The following SLC33A1 variants were observed in gnomAD, a reference collection of about 807,000 sequenced individuals.
SLC33A1 encodes acetyl-coenzyme A transporter 1.
SLC33A1 carries 20 observed loss-of-function variants against 50.0 expected under a neutral mutation model. The observed-to-expected ratio is 0.40, with a 90% CI of 0.28 to 0.58. The LOEUF (loss-of-function observed/expected upper bound fraction) is 0.58, where lower values mean the gene tolerates loss of function less well. SLC33A1 is among the 20% of genes least tolerant of loss of function. The pLI is 0.44. For synonymous variants in SLC33A1, 265 were observed against 251.8 expected (o/e 1.05, Z -0.50); for missense variants, 476 against 657.0 (o/e 0.72, Z 3.01).
At chr3:155,842,860 T>C (rs1341750795) in intron 1 of SLC33A1, 2 of 257,168 alleles carry the variant, frequency 7.8e-6, no homozygotes, top group Middle Eastern at 1.4e-3. Flanking sequence ...AATAAGAAAT[T>C]AGCCAGGCTT....
In SLC33A1 at chr3:155,853,879, A is replaced by G. The variant is rs1314853003; in HGVS notation, c.119T>C (p.Leu40Ser). 6.4e-7 allele frequency: 1 copy of G among 1,565,976 alleles called. No homozygotes were observed. Among genetic ancestry groups the G allele is most frequent in the East Asian group, 2.2e-5 (1 of 44,456 alleles). The change falls in exon 1 of 6, where the codon TTG becomes TCG. Residue 40 changes from leucine to serine, a missense_variant. Transcript: ENST00000643144. ...GTCCCCTTCCCGGCCCGCTGAGTCC[A>G]AATGACTGTCATCCCAACCGCCTGG... ...LPPGGWDDSH[L>S]DSAGREGDRE...
At position 155,828,343 on chromosome 3, in the gene SLC33A1, G is replaced by A; in HGVS notation, c.1517C>T (p.Ala506Val). ...GGACTCCACATAATAACCATCCAGGGCTGTAACACATGAGCCACCCAGTTT... is the reference window on the plus strand; with the variant it reads ...GGACTCCACATAATAACCATCCAGGACTGTAACACATGAGCCACCCAGTTT... The part of the protein sequence containing the change: ...CKKLGGSCVT[A>V]LDGYYVESII... Residue 506 changes from alanine to valine, a missense_variant, in exon 6 of 6, where the codon GCC (alanine) becomes GTC (valine). Physicochemically the swap from Ala to Val is moderately conservative, Grantham distance 64. Transcript: ENST00000643144. 2 of 1,605,410 alleles carry A rather than the reference G, an allele frequency of 1.2e-6. No individual in the cohort carries two copies. Among genetic ancestry groups the A allele is most frequent in the Non-Finnish European group, 1.7e-6 (2 of 1,172,202 alleles).
chr3:155,833,743 A>G (rs959528238), intron 3 of SLC33A1, 114 bp downstream of exon 3: 1 of 1,007,628 alleles, frequency 9.9e-7, no homozygotes, highest in Admixed American at 1.9e-5. Context: ...TTGAAAAAAG[A>G]TGCTTTTCAA....
In SLC33A1 at chr3:155,843,123, G is replaced by A. The variant is rs1207440959; in HGVS notation, c.776-504C>T. 2.6e-5 allele frequency: 4 copies of A among 152,122 alleles called. No individual in the cohort carries two copies. In the East Asian group the frequency reaches 7.7e-4, roughly 29 times the overall value. The allele number at this position is 152,122 out of a possible 1,614,324, so 9.4% of individuals were successfully genotyped here. ...TCTTAAACGTAGAGACCCAAAATAG[G>A]TGACAACAACAACCAAAAAGGCAGG... On this transcript the variant is annotated intron_variant, in intron 1 of 5. Coordinates refer to ENST00000643144, the MANE Select transcript of SLC33A1 (RefSeq NM_004733.4).
intron 1 of SLC33A1, chr3:155,842,906 GCTGAGGACTACCTGAGC>G (rs775351235): frequency 6.1e-5 from 12 of 196,960 alleles, no homozygotes; most frequent in Non-Finnish European, 7.0e-5. Flanking sequence ...CACCTGGGAG[GCTGAGGACTACCTGAGC>G]CCAGGAAGTG....
chr3:155,828,416 A>T, intron 5 of SLC33A1, 39 bp from the exon 6 acceptor site: 1 of 1,249,790 alleles, frequency 8.0e-7, no homozygotes, highest in Non-Finnish European at 1.2e-6. Context: ...CCACAATTTC[A>T]AAATGAAAGT....
chr3:155,851,566 T>C (rs1560023926), intron 1 of SLC33A1, among the ~76,000 whole-genome samples: 4 of 148,186 alleles, frequency 2.7e-5, no homozygotes, highest in African/African-American at 1.0e-4. Flanking sequence ...TTATTTTTTA[T>C]TTTATTTATT....
chr3:155,827,899 C>T lies in SLC33A1; in HGVS notation c.*311G>A, dbSNP rs1028906495. Reference sequence around the variant, plus strand: ...AATACCTGACTACATGGTTACCACCCGTGACTACTGCATTGCAGCTTAAAA... The same window carrying T: ...AATACCTGACTACATGGTTACCACCTGTGACTACTGCATTGCAGCTTAAAA... On this transcript the variant is annotated 3_prime_UTR_variant, in exon 6 of 6. Coordinates refer to ENST00000643144, the MANE Select transcript of SLC33A1 (RefSeq NM_004733.4). 2 of 292,932 alleles carry T rather than the reference C, an allele frequency of 6.8e-6. No individual in the cohort carries two copies. Among genetic ancestry groups the T allele is most frequent in the Non-Finnish European group, 1.3e-5 (2 of 153,662 alleles). The allele number at this position is 292,932 out of a possible 1,614,324, so 18.1% of individuals were successfully genotyped here. A position where few individuals can be genotyped will look rare whatever the true frequency, so the allele number is the denominator to read the frequency against.
intron 1 of SLC33A1, among the ~76,000 whole-genome samples, chr3:155,852,437 A>G (rs1396545827): frequency 6.6e-6 from 1 of 152,254 alleles, no homozygotes; most frequent in African/African-American, 2.4e-5. Flanking sequence ...CTCTTTTCCC[A>G]TAGTAATTAA....
In SLC33A1 at chr3:155,853,731, C is replaced by T. The variant is rs370658911; in HGVS notation, c.267G>A (p.Leu89=). 1.2e-5 allele frequency: 19 copies of T among 1,613,974 alleles called. No homozygotes were observed. The African/African-American group carries it at 2.0e-4, about 17-fold the overall frequency. ...TGAGTGGGATGCTTCCCGCCAAGCC[C>T]AGGGGAATACCCTGAAGCACGTAAA... ...LFLYVLQGIP[L]GLAGSIPLIL... is the part of the protein sequence containing the mutation. Residue 89 remains leucine, a synonymous_variant, in exon 1 of 6, where the codon CTG becomes CTA. Coordinates refer to ENST00000643144, the MANE Select transcript of SLC33A1 (RefSeq NM_004733.4).
chr3:155,832,974 G>A (rs1391416463), intron 4 of SLC33A1, among the ~76,000 whole-genome samples: 4 of 151,738 alleles, frequency 2.6e-5, no homozygotes, highest in South Asian at 4.2e-4. Context: ...TCTTTCAGCC[G>A]GGCGCAGTGG....
chr3:155,835,466 T>C lies in SLC33A1; in HGVS notation c.964-1425A>G, dbSNP rs868554299. Among the ~76,000 whole-genome samples, 18 of 152,164 alleles carry C rather than the reference T, an allele frequency of 1.2e-4. 1 individual carries two copies. Among genetic ancestry groups the C allele is most frequent in the African/African-American group, 4.3e-4 (18 of 41,516 alleles). On this transcript the variant is annotated intron_variant, in intron 2 of 5. Coordinates refer to ENST00000643144, the MANE Select transcript of SLC33A1 (RefSeq NM_004733.4). Reference sequence around the variant, plus strand: ...CGAAGAGCAGCCTGAAAAACTTGAGTTGCAAACATAGATAAGCAAGCTGGA... The same window carrying C: ...CGAAGAGCAGCCTGAAAAACTTGAGCTGCAAACATAGATAAGCAAGCTGGA...
Position 155,827,355 on chromosome 3 carries a change from T to A in SLC33A1, c.*855A>T, listed in dbSNP as rs928323863. ...TTGAAGAAAAACATTTAATTTTTAT[T>A]TTCAAAATGTTGCCATAAACATACA... On this transcript the variant is annotated 3_prime_UTR_variant, in exon 6 of 6. Coordinates refer to ENST00000643144, the MANE Select transcript of SLC33A1 (RefSeq NM_004733.4). The A allele has an allele frequency of 1.3e-5, 2 of 152,176 alleles. No individual in the cohort carries two copies. Among genetic ancestry groups the A allele is most frequent in the African/African-American group, 4.8e-5 (2 of 41,448 alleles). 9.4% of individuals were successfully genotyped at this position (152,176 alleles called of 1,614,324 possible).
Position 155,833,501 on chromosome 3 carries a change from A to G in SLC33A1, c.1233T>C (p.Tyr411=), listed in dbSNP as rs1429749192. The G allele has an allele frequency of 6.3e-7, 1 of 1,590,276 alleles. No homozygotes were observed. Among genetic ancestry groups the G allele is most frequent in the East Asian group, 2.2e-5 (1 of 44,742 alleles). The part of the protein sequence containing the change: ...EHQGGFPIYY[Y]IVVLLSYALH... ...AAGCATAACTCAGCAGGACTACGAT[A>G]TAGTAATATATAGGGAATCCCCCTT... Residue 411 remains tyrosine, a synonymous_variant, in exon 4 of 6, where the codon TAT becomes TAC. Transcript: ENST00000643144.
Position 155,833,874 on chromosome 3 carries a change from G to A in SLC33A1, c.1131C>T (p.Tyr377=). The A allele has an allele frequency of 1.2e-6, 2 of 1,613,546 alleles. No individual in the cohort carries two copies. The change falls in exon 3 of 6, where the codon TAC becomes TAT. Residue 377 remains tyrosine (Y), a synonymous_variant. Coordinates refer to ENST00000643144, the MANE Select transcript of SLC33A1 (RefSeq NM_004733.4). Reference sequence around the variant, plus strand: ...ATTTTTACCTGTAGGGCATGGCTTTGTAAAATGTGTTTAATGGCTGGGGAC... The same window carrying A: ...ATTTTTACCTGTAGGGCATGGCTTTATAAAATGTGTTTAATGGCTGGGGAC... ...TAGPQPLNTF[Y]KAMPYRLLLG... is the part of the protein sequence containing the mutation.
chr3:155,849,287 C>T (rs2108004688), intron 1 of SLC33A1, among the ~76,000 whole-genome samples: 1 of 152,266 alleles, frequency 6.6e-6, no homozygotes, highest in Admixed American at 6.5e-5. Context: ...TAAACATTGC[C>T]TCAGTGTTTA....
chr3:155,828,917 T>G (rs1394079548), intron 5 of SLC33A1, among the ~76,000 whole-genome samples: 2 of 151,184 alleles, frequency 1.3e-5, no homozygotes, highest in African/African-American at 2.4e-5. Flanking sequence ...TTTTTTTTTT[T>G]TAAGAGACGG....
At position 155,827,772 on chromosome 3, in the gene SLC33A1, G is replaced by A. The variant is rs1227651910; in HGVS notation, c.*438C>T. On this transcript the variant is annotated 3_prime_UTR_variant, in exon 6 of 6. Transcript: ENST00000643144. Reference sequence around the variant, plus strand: ...AAATAAGATTTTAACTGCCAACAATGTCAGACTAGTTGTGGTTAGTACCTG... The same window carrying A: ...AAATAAGATTTTAACTGCCAACAATATCAGACTAGTTGTGGTTAGTACCTG... The A allele has an allele frequency of 6.5e-6, 1 of 154,604 alleles. No homozygotes were observed. Among genetic ancestry groups the A allele is most frequent in the East Asian group, 1.9e-4 (1 of 5,288 alleles). The allele number at this position is 154,604 out of a possible 1,614,324, so 9.6% of individuals were successfully genotyped here. A position where few individuals can be genotyped will look rare whatever the true frequency, so the allele number is the denominator to read the frequency against.
chr3:155,841,809 G>T (rs1328424627), intron 2 of SLC33A1, among the ~76,000 whole-genome samples: 2 of 151,950 alleles, frequency 1.3e-5, no homozygotes, highest in East Asian at 3.9e-4. Flanking sequence ...GTGCCGTGGT[G>T]CTATCTCGGC....
Sources: gnomAD v4.1 joint callset for allele counts (sites outside exome capture counted in the v4.1 genomes callset) on GRCh38, gnomAD v4.1.1 for gene constraint, MANE v1.5 for transcripts, NCBI Gene and HGNC (gene_info 2026-07-23, HGNC 2026-07-21) for gene names.